The following HTR1E variants were observed in gnomAD, a reference collection of about 807,000 sequenced individuals.
HTR1E encodes the protein 5-hydroxytryptamine receptor 1E, also known as 5-HT-1E.
In HTR1E, 3 loss-of-function variants were observed where a neutral mutation model predicts 3.4. That is an observed-to-expected ratio of 0.89 (90% CI 0.41 to 2.31). HTR1E has a LOEUF of 2.31. HTR1E is among the 30% of genes most tolerant of loss of function. The pLI, the probability that HTR1E is intolerant of heterozygous loss-of-function variation, is 0.05. For missense variants in HTR1E, 392 were observed against 467.0 expected, an observed-to-expected ratio of 0.84 and a Z score of 1.48; for synonymous variants, 170 against 182.8, an observed-to-expected ratio of 0.93 and a Z score of 0.56.
chr6:86,988,041 C>T (rs1405681335), intron 1 of HTR1E, among the ~76,000 whole-genome samples: 1 of 152,124 alleles, frequency 6.6e-6, no homozygotes, highest in Non-Finnish European at 1.5e-5. Flanking sequence ...TTGATCTTCA[C>T]AATAACTTTG....
chr6:87,014,083 G>T (rs1332289693), intron 1 of HTR1E, among the ~76,000 whole-genome samples: 2 of 152,022 alleles, frequency 1.3e-5, no homozygotes, highest in East Asian at 3.9e-4. Flanking sequence ...ACACAGGGCA[G>T]GGAACACCAC....
chr6:86,995,872 A>T (rs1767934007), intron 1 of HTR1E, among the ~76,000 whole-genome samples: 1 of 151,982 alleles, frequency 6.6e-6, no homozygotes, highest in Admixed American at 6.6e-5. Context: ...GAAAATTACC[A>T]CAGAAAGAGA....
intron 1 of HTR1E, among the ~76,000 whole-genome samples, chr6:86,976,032 A>G (rs1767634580): frequency 6.6e-6 from 1 of 152,058 alleles, no homozygotes; most frequent in Non-Finnish European, 1.5e-5. Flanking sequence ...GGCAAAGGAT[A>G]CTAAAAGTAC....
chr6:87,009,496 A>T (rs2127832560), intron 1 of HTR1E, among the ~76,000 whole-genome samples: 1 of 151,370 alleles, frequency 6.6e-6, no homozygotes, highest in South Asian at 2.1e-4. Flanking sequence ...CCGATTTCTC[A>T]ATCTTTTCCC....
intron 1 of HTR1E, among the ~76,000 whole-genome samples, chr6:86,995,821 G>T (rs1378398665): frequency 6.6e-6 from 1 of 151,646 alleles, no homozygotes; most frequent in Non-Finnish European, 1.5e-5. Context: ...GGCAGTAGGA[G>T]TGTCTATATT....
chr6:86,960,125 G>A (rs1383209639), intron 1 of HTR1E, among the ~76,000 whole-genome samples: 1 of 152,174 alleles, frequency 6.6e-6, no homozygotes, highest in Non-Finnish European at 1.5e-5. Context: ...AAGACTGGAT[G>A]ATTTATAAAG....
At chr6:86,964,371 TTTAG>T (rs1375217681) in intron 1 of HTR1E, among the ~76,000 whole-genome samples, 7 of 152,342 alleles carry the variant, frequency 4.6e-5, no homozygotes, top group Middle Eastern at 3.4e-3. Flanking sequence ...TGTGGCTATA[TTTAG>T]TAAGTAATAT....
At chr6:87,003,538 CA>C (rs56069995) in intron 1 of HTR1E, among the ~76,000 whole-genome samples, 130,614 of 133,570 alleles carry the variant, frequency 0.98, 63,867 homozygotes, top group Middle Eastern at 1. Flanking sequence ...GACTCCATCT[CA>C]AAAAAAAAAA....
At position 87,015,617 on chromosome 6, in the gene HTR1E, T is replaced by G. The variant is rs1429599288; in HGVS notation, c.283T>G (p.Cys95Gly). 6.2e-7 allele frequency: 1 copy of G among 1,614,190 alleles called. No homozygotes were observed. The highest frequency in any genetic ancestry group is 1.7e-5 in the Admixed American group (1 of 60,030). Residue 95 changes from cysteine to glycine, a missense_variant, in exon 2 of 2, where the codon TGT (cysteine) becomes GGT (glycine). Cys to Gly is a radical substitution (Grantham distance 159, BLOSUM62 -3). Around this residue, in one of 3 missense-constraint regions of HTR1E, gnomAD observed 189 missense variants for 258.0 expected, o/e 0.73. Coordinates refer to ENST00000305344, the MANE Select transcript of HTR1E (RefSeq NM_000865.3). ...TCGCTGGAAGCTTGGGTACTTCCTCTGTGAGGTGTGGCTGAGTGTGGACAT... is the reference window on the plus strand; with the variant it reads ...TCGCTGGAAGCTTGGGTACTTCCTCGGTGAGGTGTGGCTGAGTGTGGACAT... ...MDRWKLGYFL[C>G]EVWLSVDMTC...
At chr6:86,975,952 C>G (rs71572737) in intron 1 of HTR1E, among the ~76,000 whole-genome samples, 1 of 151,800 alleles carries the variant, frequency 6.6e-6, no homozygotes, top group African/African-American at 2.4e-5. Context: ...CACACACTCT[C>G]TCTCTCTCTC....
intron 1 of HTR1E, among the ~76,000 whole-genome samples, chr6:86,948,023 A>T (rs1767150699): frequency 6.6e-6 from 1 of 151,908 alleles, no homozygotes; most frequent in Admixed American, 6.6e-5. Context: ...CCTAATGCTC[A>T]CCCTCCCTTT....
chr6:86,946,609 A>G lies in HTR1E; in HGVS notation c.-186+8786A>G, dbSNP rs138605736. ...CATAATGACAATGATGAAGATGACT[A>G]TATGTTTCAGCTTCTACTCCATGGT... On this transcript the variant is annotated intron_variant, in intron 1 of 1. Transcript: ENST00000305344. Among the ~76,000 whole-genome samples the G allele has an allele frequency of 3.7e-3, 563 of 152,350 alleles. 1 individual carries two copies. Among genetic ancestry groups the G allele is most frequent in the African/African-American group, 0.013 (544 of 41,580 alleles).
chr6:86,957,294 C>T (rs984625741), intron 1 of HTR1E, among the ~76,000 whole-genome samples: 2 of 152,200 alleles, frequency 1.3e-5, no homozygotes, highest in Non-Finnish European at 2.9e-5. Flanking sequence ...GAGGTGACTA[C>T]TTGAGCAACA....
chr6:86,958,759 T>C (rs1009118578), intron 1 of HTR1E, among the ~76,000 whole-genome samples: 10 of 152,226 alleles, frequency 6.6e-5, no homozygotes, highest in Admixed American at 4.6e-4. Flanking sequence ...TACTATTTCT[T>C]ATTTGTTAGA....
chr6:86,966,766 G>A (rs1376661905), intron 1 of HTR1E, among the ~76,000 whole-genome samples: 2 of 152,112 alleles, frequency 1.3e-5, no homozygotes, highest in Non-Finnish European at 1.5e-5. Flanking sequence ...GGTATTTCAA[G>A]TAAGGATAAC....
intron 1 of HTR1E, among the ~76,000 whole-genome samples, chr6:86,950,882 A>AT (rs1359257489): frequency 1.3e-5 from 2 of 152,134 alleles, no homozygotes; most frequent in Admixed American, 6.5e-5. Flanking sequence ...ACTTGGGAAG[A>AT]TTTTTTCAAA....
In HTR1E at chr6:87,016,333, T is replaced by G. The variant is rs755585947; in HGVS notation, c.999T>G (p.Gly333=). 6.2e-7 allele frequency: 1 copy of G among 1,614,134 alleles called. No homozygotes were observed. The highest frequency in any genetic ancestry group is 8.5e-7 in the Non-Finnish European group (1 of 1,180,022). Residue 333 remains glycine (G), a synonymous_variant, in exon 2 of 2, where the codon GGT becomes GGG. Transcript: ENST00000305344. ...SEVADFLTWL[G]YVNSLINPLL... ...TGGCCGACTTTCTGACGTGGCTCGG[T>G]TATGTGAATTCTCTGATCAACCCTC...
intron 1 of HTR1E, among the ~76,000 whole-genome samples, chr6:86,963,906 C>G (rs1287253442): frequency 6.6e-6 from 1 of 152,150 alleles, no homozygotes; most frequent in Non-Finnish European, 1.5e-5. Flanking sequence ...TTATTAAGCA[C>G]CTATTATATG....
At chr6:86,983,060 T>C (rs1171664394) in intron 1 of HTR1E, among the ~76,000 whole-genome samples, 1 of 152,190 alleles carries the variant, frequency 6.6e-6, no homozygotes, top group African/African-American at 2.4e-5. Context: ...TGTAAATTTA[T>C]CTCTTGTTTT....
Sources: allele counts gnomAD v4.1 joint callset (sites outside exome capture counted in the v4.1 genomes callset), GRCh38; gene constraint gnomAD v4.1.1; regional missense constraint gnomAD v4.1.1; transcripts MANE v1.5; gene names NCBI Gene and HGNC (gene_info 2026-07-23, HGNC 2026-07-21).